Variants in TMEM132D observed in about 807,000 individuals in gnomAD.
TMEM132D encodes the protein mature OL transmembrane protein.
TMEM132D carries 21 observed loss-of-function variants against 62.3 expected under a neutral mutation model. The ratio of observed to expected loss-of-function variants is 0.34; its 90% confidence interval spans 0.24 to 0.49. The LOEUF (loss-of-function observed/expected upper bound fraction) is 0.49, where lower values mean the gene tolerates loss of function less well. TMEM132D is among the 20% of genes least tolerant of loss of function. The pLI, the probability that TMEM132D is intolerant of heterozygous loss-of-function variation, is 0.99. For synonymous variants in TMEM132D, 621 were observed against 575.6 expected (o/e 1.08, Z -1.13); for missense variants, 1,346 against 1,402.8 (o/e 0.96, Z 0.65).
intron 1 of TMEM132D, among the ~76,000 whole-genome samples, chr12:129,872,623 T>C (rs1874285342): frequency 6.6e-6 from 1 of 152,190 alleles, no homozygotes; most frequent in Non-Finnish European, 1.5e-5. Flanking sequence ...TTGGGGTCTG[T>C]GTCTATCTGA....
chr12:129,667,527 A>T (rs1880405508), intron 2 of TMEM132D, among the ~76,000 whole-genome samples: 1 of 152,118 alleles, frequency 6.6e-6, no homozygotes, highest in African/African-American at 2.4e-5. Context: ...TTTTGGCCAA[A>T]TGAATGACTT....
intron 4 of TMEM132D, among the ~76,000 whole-genome samples, chr12:129,213,592 G>T (rs975006195): frequency 2.0e-5 from 3 of 152,232 alleles, no homozygotes; most frequent in Non-Finnish European, 4.4e-5. Flanking sequence ...GATTCTGCTG[G>T]CTGAAAGATT....
chr12:129,311,326 G>C (rs1039932294), intron 4 of TMEM132D, among the ~76,000 whole-genome samples: 1 of 150,798 alleles, frequency 6.6e-6, no homozygotes, highest in Middle Eastern at 3.2e-3. Context: ...AGTATCATGA[G>C]CACTTTAGCA....
intron 2 of TMEM132D, among the ~76,000 whole-genome samples, chr12:129,548,260 C>T (rs55991205): frequency 0.29 from 43,951 of 151,986 alleles, 7,052 homozygotes; most frequent in East Asian, 0.52. Context: ...CTCCTTCACT[C>T]GGTGCTGGAG....
At chr12:129,297,196 A>G (rs1881600129) in intron 4 of TMEM132D, among the ~76,000 whole-genome samples, 1 of 152,172 alleles carries the variant, frequency 6.6e-6, no homozygotes, top group African/African-American at 2.4e-5. Context: ...GGGGCTGGAA[A>G]AACTGGCTGA....
chr12:129,692,530 T>C (rs1881085831), intron 2 of TMEM132D, among the ~76,000 whole-genome samples: 1 of 152,220 alleles, frequency 6.6e-6, no homozygotes, highest in Non-Finnish European at 1.5e-5. Context: ...TATAAAGATA[T>C]ATGCATGCAT....
chr12:129,300,812 T>C (rs1211890474), intron 4 of TMEM132D, among the ~76,000 whole-genome samples: 3 of 152,170 alleles, frequency 2.0e-5, no homozygotes, highest in Admixed American at 1.3e-4. Context: ...TCAATGATAG[T>C]TGCTGTTAGA....
intron 5 of TMEM132D, among the ~76,000 whole-genome samples, chr12:129,153,060 G>A (rs1877123588): frequency 6.6e-6 from 1 of 152,126 alleles, no homozygotes; most frequent in Non-Finnish European, 1.5e-5. Context: ...TTTGCTTCCT[G>A]CTATGACTAT....
intron 4 of TMEM132D, among the ~76,000 whole-genome samples, chr12:129,256,981 G>C (rs1880417553): frequency 6.6e-6 from 1 of 152,212 alleles, no homozygotes; most frequent in Non-Finnish European, 1.5e-5. Context: ...TGTTTTAGCA[G>C]CTGGCCAGAG....
intron 1 of TMEM132D, among the ~76,000 whole-genome samples, chr12:129,772,560 C>A (rs1404169012): frequency 6.6e-6 from 1 of 152,276 alleles, no homozygotes; most frequent in African/African-American, 2.4e-5. Context: ...GTCATAAATC[C>A]CGTGGCATGG....
intron 2 of TMEM132D, among the ~76,000 whole-genome samples, chr12:129,634,312 T>TA (rs11310650): frequency 3.4e-4 from 51 of 147,974 alleles, no homozygotes; most frequent in East Asian, 4.0e-4. Context: ...GTCTATACGT[T>TA]AAAAAAAAAA....
At chr12:129,609,989 G>T (rs1195941588) in intron 2 of TMEM132D, among the ~76,000 whole-genome samples, 1 of 152,226 alleles carries the variant, frequency 6.6e-6, no homozygotes, top group African/African-American at 2.4e-5. Flanking sequence ...AGAGGGGAAG[G>T]CTGGGCACAG....
rs1875081076 is a variant in TMEM132D, at chr12:129,095,443, C to G, written c.1444-10741G>C. Among the ~76,000 whole-genome samples the G allele has an allele frequency of 2.7e-5, 4 of 150,306 alleles. No homozygotes were observed. In the Admixed American group the frequency reaches 2.7e-4, roughly 10 times the overall value. On this transcript the variant is annotated intron_variant, in intron 5 of 8. Transcript: ENST00000422113. ...GATCTTGGCTCACTGCAACCTCTGC[C>G]TCCCAGGTTCAAGCAGTTCTCCTGC... is the stretch of plus-strand genomic sequence containing the variant.
At chr12:129,435,617 G>GC (rs1402789285) in intron 3 of TMEM132D, among the ~76,000 whole-genome samples, 1 of 152,088 alleles carries the variant, frequency 6.6e-6, no homozygotes. Flanking sequence ...AAGGAATCCT[G>GC]CTTCTGCAGT....
chr12:129,590,719 AG>A (rs1337183828), intron 2 of TMEM132D, among the ~76,000 whole-genome samples: 2 of 152,190 alleles, frequency 1.3e-5, no homozygotes, highest in African/African-American at 4.8e-5. Context: ...CAATGGCAAC[AG>A]GGCTTGGGCA....
chr12:129,367,830 G>C (rs1248256771), intron 3 of TMEM132D, among the ~76,000 whole-genome samples: 2 of 147,296 alleles, frequency 1.4e-5, no homozygotes, highest in African/African-American at 2.5e-5. Context: ...CTGTCACCCA[G>C]GCTGGAGTGC....
intron 4 of TMEM132D, among the ~76,000 whole-genome samples, chr12:129,249,717 C>T (rs140690076): frequency 6.6e-6 from 1 of 152,110 alleles, no homozygotes; most frequent in East Asian, 1.9e-4. Flanking sequence ...TTACTTCGGC[C>T]GATGGAGACA....
intron 4 of TMEM132D, among the ~76,000 whole-genome samples, chr12:129,314,148 T>C (rs1404393353): frequency 6.6e-6 from 1 of 152,150 alleles, no homozygotes; most frequent in Non-Finnish European, 1.5e-5. Context: ...CTCCCCTCTG[T>C]GGTATGTCTG....
chr12:129,678,237 A>G (rs1880687804), intron 2 of TMEM132D, among the ~76,000 whole-genome samples: 1 of 152,154 alleles, frequency 6.6e-6, no homozygotes, highest in African/African-American at 2.4e-5. Flanking sequence ...ATTTTCTGGA[A>G]GAGTTGTACC....
Sources: allele counts gnomAD v4.1 joint callset (sites outside exome capture counted in the v4.1 genomes callset), GRCh38; gene constraint gnomAD v4.1.1; transcripts MANE v1.5; gene names NCBI Gene and HGNC (gene_info 2026-07-23, HGNC 2026-07-21).